The following POLA1 variants were observed in gnomAD, a reference collection of about 807,000 sequenced individuals.
The protein encoded by POLA1 is DNA polymerase alpha catalytic subunit.
POLA1 carries 15 observed loss-of-function variants against 124.0 expected under a neutral mutation model. The observed-to-expected ratio is 0.12, with a 90% confidence interval of 0.08 to 0.19. POLA1 has a LOEUF of 0.19. Among genes scored for constraint, POLA1 ranks in the 10% least tolerant of loss-of-function variants. The pLI is 1.00. For missense variants in POLA1, 886 were observed against 1,103.4 expected (o/e 0.80, Z 2.79); for synonymous variants, 408 against 389.4 (o/e 1.05, Z -0.56).
chrX:24,910,043 T>C (rs1197064637), intron 35 of POLA1, among the ~76,000 whole-genome samples: 4 of 110,174 alleles, frequency 3.6e-5, no homozygotes, highest in African/African-American at 6.6e-5. Flanking sequence ...TGTTTGTCTG[T>C]TATTGGTGTA....
At chrX:24,931,544 A>C (rs1222000638) in intron 36 of POLA1, among the ~76,000 whole-genome samples, 3 of 112,152 alleles carry the variant, frequency 2.7e-5, no homozygotes, top group African/African-American at 9.7e-5. Context: ...GAGAGAGAGC[A>C]TTTTACAACT....
chrX:24,893,187 G>A (rs1275679089), intron 35 of POLA1, among the ~76,000 whole-genome samples: 1 of 111,622 alleles, frequency 9.0e-6, no homozygotes, highest in Non-Finnish European at 1.9e-5. Flanking sequence ...GCATGAGTCC[G>A]TGTAGGAAGA....
chrX:24,722,706 T>C (rs1602280705), intron 10 of POLA1, among the ~76,000 whole-genome samples: 1 of 111,508 alleles, frequency 9.0e-6, no homozygotes, highest in African/African-American at 3.3e-5. Context: ...GAAAATACTT[T>C]CCTTATGTTT....
intron 34 of POLA1, among the ~76,000 whole-genome samples, chrX:24,882,437 G>T (rs1385332108): frequency 9.0e-6 from 1 of 111,019 alleles, no homozygotes; most frequent in Non-Finnish European, 1.9e-5. Context: ...CAGGTAGTGA[G>T]CATAGTACCC....
At chrX:24,863,958 CTATTTATT>C (rs61095074) in intron 34 of POLA1, among the ~76,000 whole-genome samples, 3,241 of 96,928 alleles carry the variant, frequency 0.033, 157 homozygotes, top group African/African-American at 0.11. Context: ...TTTTCTGGAA[CTATTTATT>C]TATTTATTTA....
At chrX:24,980,114 C>A (rs1043841351) in intron 36 of POLA1, among the ~76,000 whole-genome samples, 1 of 111,151 alleles carries the variant, frequency 9.0e-6, no homozygotes, top group African/African-American at 3.3e-5. Flanking sequence ...GAGAGAGTCA[C>A]AAATTAAAGT....
intron 36 of POLA1, among the ~76,000 whole-genome samples, chrX:24,949,472 G>A (rs1296641872): frequency 9.1e-6 from 1 of 109,554 alleles, no homozygotes; most frequent in African/African-American, 3.3e-5. Flanking sequence ...TGTTATTCAT[G>A]TGGTTACTAT....
chrX:24,992,842 A>T (rs1033477426), intron 36 of POLA1, among the ~76,000 whole-genome samples: 1 of 112,742 alleles, frequency 8.9e-6, no homozygotes, highest in Non-Finnish European at 1.9e-5. Context: ...AGGTCAACCT[A>T]CAGATGATGG....
chrX:24,923,018 AC>A (rs1380823334), intron 35 of POLA1, among the ~76,000 whole-genome samples: 1 of 111,631 alleles, frequency 9.0e-6, no homozygotes. Flanking sequence ...CATTAAGGAA[AC>A]CTTTTGTAGG....
At chrX:24,973,483 C>T (rs759381149) in intron 36 of POLA1, among the ~76,000 whole-genome samples, 36 of 112,337 alleles carry the variant, frequency 3.2e-4, no homozygotes, top group African/African-American at 1.1e-3. Context: ...TCTCCACTGG[C>T]TTCAGGCTGT....
intron 35 of POLA1, among the ~76,000 whole-genome samples, chrX:24,907,513 A>G: frequency 8.9e-6 from 1 of 112,166 alleles, no homozygotes. Flanking sequence ...AATGACATAT[A>G]TAAGAAAAAA....
At chrX:24,861,368 G>A (rs1329843173) in intron 34 of POLA1, among the ~76,000 whole-genome samples, 1 of 112,719 alleles carries the variant, frequency 8.9e-6, no homozygotes, top group Non-Finnish European at 1.9e-5. Flanking sequence ...CTGGGCTCTA[G>A]TGATCTGCCT....
intron 2 of POLA1, among the ~76,000 whole-genome samples, chrX:24,701,989 A>G (rs750130852): frequency 2.3e-3 from 220 of 95,918 alleles, no homozygotes; most frequent in Non-Finnish European, 3.3e-3. Flanking sequence ...CCTCACCTCA[A>G]GTAATCTGCT....
intron 32 of POLA1, among the ~76,000 whole-genome samples, chrX:24,839,255 G>A (rs2046380009): frequency 9.0e-6 from 1 of 111,122 alleles, no homozygotes; most frequent in African/African-American, 3.3e-5. Flanking sequence ...ATTGAACTAT[G>A]ACCAAGAGAC....
Position 24,885,771 on chromosome X carries a change from G to A in POLA1, c.4048-2235G>A, listed in dbSNP as rs375592894. Among the ~76,000 whole-genome samples, 8 of 111,767 alleles carry A rather than the reference G, an allele frequency of 7.2e-5. No homozygotes were observed. The East Asian group carries it at 2.0e-3, about 28-fold the overall frequency. On this transcript the variant is annotated intron_variant, in intron 34 of 36. Transcript: ENST00000379068. ...CATCTCCTGACCTCGTGATCTGCCC[G>A]CCTCGGCCTCCCAAAGTGCTGGGAT...
intron 35 of POLA1, among the ~76,000 whole-genome samples, chrX:24,891,746 CAG>C (rs1292001936): frequency 1.8e-5 from 2 of 111,874 alleles, no homozygotes; most frequent in Admixed American, 9.5e-5. Context: ...TGTTAATGAA[CAG>C]AACATTTCTT....
At chrX:24,934,311 C>T (rs779090386) in intron 36 of POLA1, among the ~76,000 whole-genome samples, 1 of 112,173 alleles carries the variant, frequency 8.9e-6, no homozygotes, top group African/African-American at 3.2e-5. Context: ...TGTTGAGTGA[C>T]ATTCCTCATG....
chrX:24,749,032 G>A (rs768778366), intron 26 of POLA1, 40 bp downstream of exon 26: 20 of 1,093,332 alleles, frequency 1.8e-5, no homozygotes, highest in Non-Finnish European at 2.4e-5. Context: ...AGATATGAGA[G>A]TATTTTTAAC....
rs1392320251 is a variant in POLA1, at chrX:24,727,171, ACTTC to A, written c.1531+104_1531+107del. 6 of 707,757 alleles carry A rather than the reference ACTTC, an allele frequency of 8.5e-6. No individual in the cohort carries two copies. In the South Asian group the frequency reaches 1.6e-4, roughly 19 times the overall value. The allele number at this position is 707,757 out of a possible 1,213,427, so 58.3% of individuals were successfully genotyped here. On this transcript the variant is annotated intron_variant, in intron 14 of 36. Coordinates refer to ENST00000379068, the MANE Select transcript of POLA1 (RefSeq NM_001330360.2). ...TTGATCTATTTATTTTAATGTGTCTACTTCCTTTTCTGTTTGTTTCTTCAGTTTT... is the reference window on the plus strand; with the variant it reads ...TTGATCTATTTATTTTAATGTGTCTACTTTTCTGTTTGTTTCTTCAGTTTT...
Sources: gnomAD v4.1 joint callset for allele counts (sites outside exome capture counted in the v4.1 genomes callset) on GRCh38, gnomAD v4.1.1 for gene constraint, MANE v1.5 for transcripts, NCBI Gene and HGNC (gene_info 2026-07-23, HGNC 2026-07-21) for gene names.